Variants in DNAH9 observed in about 807,000 individuals in gnomAD.
DNAH9 encodes DNAH9 variant protein.
Under a neutral mutation model 471.6 loss-of-function variants are expected in DNAH9, and 345 were observed. The observed-to-expected ratio is 0.73, with a 90% confidence interval of 0.67 to 0.80. DNAH9 has a LOEUF of 0.80. Ranked by LOEUF, DNAH9 falls within the 30% of genes least tolerant of loss-of-function variation. The pLI is 0.00. For synonymous variants in DNAH9, 2,093 were observed against 2,123.6 expected, an observed-to-expected ratio of 0.99 and a Z score of 0.40; for missense variants, 5,407 against 5,609.2, an observed-to-expected ratio of 0.96 and a Z score of 1.15.
At chr17:11,651,598 T>C (rs1408032921) in intron 13 of DNAH9, among the ~76,000 whole-genome samples, 3 of 152,196 alleles carry the variant, frequency 2.0e-5, no homozygotes, top group Non-Finnish European at 2.9e-5. Context: ...GTCTCCAGCA[T>C]ATATTGGGTG....
intron 45 of DNAH9, among the ~76,000 whole-genome samples, chr17:11,818,885 C>CTATCATTAT (rs1555602683): frequency 1.4e-5 from 2 of 147,186 alleles, no homozygotes; most frequent in African/African-American, 5.0e-5. Context: ...TCCATTATTA[C>CTATCATTAT]TATTATTATT....
At chr17:11,881,076 C>G in intron 54 of DNAH9, 133 bp from the exon 55 acceptor site, 2 of 829,516 alleles carry the variant, frequency 2.4e-6, no homozygotes, top group Non-Finnish European at 3.9e-6. Flanking sequence ...AAAAAAGAAT[C>G]CCAGGGCTCA....
intron 49 of DNAH9, among the ~76,000 whole-genome samples, chr17:11,851,119 T>TTGC (rs1971407769): frequency 6.6e-6 from 1 of 150,388 alleles, no homozygotes; most frequent in Non-Finnish European, 1.5e-5. Context: ...GTTGTTGTTG[T>TTGC]TGTTGTTTGA....
chr17:11,872,743 A>T (rs1377413670), intron 52 of DNAH9, among the ~76,000 whole-genome samples: 3 of 152,146 alleles, frequency 2.0e-5, no homozygotes, highest in African/African-American at 7.2e-5. Flanking sequence ...ACACAGTGAA[A>T]CCACGTCTCT....
chr17:11,836,551 T>A (rs1970856533), intron 49 of DNAH9, among the ~76,000 whole-genome samples: 1 of 152,126 alleles, frequency 6.6e-6, no homozygotes, highest in Admixed American at 6.5e-5. Flanking sequence ...TGTACCACTG[T>A]TTCTGAGCCT....
chr17:11,831,345 A>G (rs1456984972), intron 48 of DNAH9, among the ~76,000 whole-genome samples: 1 of 152,134 alleles, frequency 6.6e-6, no homozygotes, highest in African/African-American at 2.4e-5. Flanking sequence ...GGCAAGAGAG[A>G]GAGGGGAGGG....
At chr17:11,951,435 C>G (rs952690004) in intron 67 of DNAH9, among the ~76,000 whole-genome samples, 1 of 151,532 alleles carries the variant, frequency 6.6e-6, no homozygotes, top group Non-Finnish European at 1.5e-5. Flanking sequence ...AATCCTAGCA[C>G]TTTGGGAGGC....
At chr17:11,852,300 A>G (rs1250172260) in intron 49 of DNAH9, among the ~76,000 whole-genome samples, 1 of 152,214 alleles carries the variant, frequency 6.6e-6, no homozygotes, top group Non-Finnish European at 1.5e-5. Flanking sequence ...GCCTCCAGCT[A>G]CATTGGGGCT....
chr17:11,665,424 G>A (rs374508327), intron 15 of DNAH9, among the ~76,000 whole-genome samples: 2 of 152,332 alleles, frequency 1.3e-5, no homozygotes, highest in East Asian at 1.9e-4. Context: ...CAGGTTAAAT[G>A]GAAGAAACAG....
At chr17:11,635,079 T>G (rs747028601) in intron 8 of DNAH9, among the ~76,000 whole-genome samples, 15 of 152,226 alleles carry the variant, frequency 9.9e-5, no homozygotes, top group Non-Finnish European at 2.2e-4. Flanking sequence ...CCACATTTTT[T>G]TCTACAAAAG....
intron 48 of DNAH9, among the ~76,000 whole-genome samples, chr17:11,834,328 C>CAAAAAA (rs762924565): frequency 5.6e-4 from 43 of 77,390 alleles, no homozygotes; most frequent in Admixed American, 8.2e-4. Flanking sequence ...GACTCCGTCT[C>CAAAAAA]AAAAAAAAAA....
intron 67 of DNAH9, chr17:11,953,925 G>A (rs1016969790): frequency 2.6e-5 from 4 of 151,958 alleles, no homozygotes; most frequent in East Asian, 1.9e-4. Context: ...ATTAAAAGAC[G>A]CAAATGGAAT....
chr17:11,818,201 C>T (rs563443585), intron 45 of DNAH9, among the ~76,000 whole-genome samples: 53 of 152,168 alleles, frequency 3.5e-4, no homozygotes, highest in South Asian at 8.3e-4. Flanking sequence ...GAGGCCGAGG[C>T]AGGCGGATCA....
intron 61 of DNAH9, among the ~76,000 whole-genome samples, chr17:11,909,806 C>G (rs1973733693): frequency 6.6e-6 from 1 of 152,132 alleles, no homozygotes; most frequent in South Asian, 2.1e-4. Flanking sequence ...CAATTCAAAG[C>G]ATTTTAGGAT....
rs143756777 is a variant in DNAH9, at chr17:11,790,206, A to G, written c.8062-3297A>G. On this transcript the variant is annotated intron_variant, in intron 41 of 68. Transcript: ENST00000262442. ...CAACCTTGTAAATCATGTTGTTTAAAAAATTCCTAAAATTTCTAGATTTAT... is the reference window on the plus strand; with the variant it reads ...CAACCTTGTAAATCATGTTGTTTAAGAAATTCCTAAAATTTCTAGATTTAT... Among the ~76,000 whole-genome samples the G allele has an allele frequency of 2.0e-4, 30 of 152,178 alleles. 1 individual carries two copies. In the East Asian group the frequency reaches 5.6e-3, roughly 28 times the overall value.
At chr17:11,765,215 A>G (rs932104158) in intron 36 of DNAH9, among the ~76,000 whole-genome samples, 1 of 152,172 alleles carries the variant, frequency 6.6e-6, no homozygotes, top group South Asian at 2.1e-4. Context: ...GGTGCTTATT[A>G]TTACTATTCT....
chr17:11,821,295 A>G (rs1436601248), intron 45 of DNAH9, among the ~76,000 whole-genome samples: 2 of 151,932 alleles, frequency 1.3e-5, no homozygotes, highest in East Asian at 3.9e-4. Context: ...TCAAAAAAAA[A>G]AAAAAAAAAA....
chr17:11,731,099 T>C (rs2075259833), intron 28 of DNAH9, among the ~76,000 whole-genome samples: 1 of 98,472 alleles, frequency 1.0e-5, no homozygotes. Context: ...GTGGGGGTGA[T>C]GGTGGTCATG....
intron 28 of DNAH9, among the ~76,000 whole-genome samples, chr17:11,735,862 G>A (rs1441597013): frequency 1.3e-5 from 2 of 152,220 alleles, no homozygotes; most frequent in African/African-American, 4.8e-5. Context: ...CTGGTCTGTG[G>A]CTGGCACAGC....
Sources: allele counts gnomAD v4.1 joint callset (sites outside exome capture counted in the v4.1 genomes callset), GRCh38; gene constraint gnomAD v4.1.1; transcripts MANE v1.5; gene names NCBI Gene and HGNC (gene_info 2026-07-23, HGNC 2026-07-21).